Variants in VPS13B observed in about 807,000 individuals in gnomAD.
VPS13B encodes intermembrane lipid transfer protein VPS13B.
A neutral mutation model predicts 426.4 loss-of-function variants in VPS13B; 285 were observed. That is an observed-to-expected ratio of 0.67 (90% CI 0.61 to 0.74). The LOEUF is 0.74. Ranked by LOEUF, VPS13B falls within the 30% of genes least tolerant of loss-of-function variation. The pLI is 0.00. For missense variants in VPS13B, 4,537 were observed against 4,782.6 expected (o/e 0.95, Z 1.51); for synonymous variants, 1,676 against 1,676.4 (o/e 1.00, Z 0.01).
intron 25 of VPS13B, among the ~76,000 whole-genome samples, chr8:99,484,957 G>C (rs940537106): frequency 6.6e-6 from 1 of 152,054 alleles, no homozygotes; most frequent in South Asian, 2.1e-4. Flanking sequence ...ATTAGGCCTT[G>C]AGTACACGCA....
chr8:99,208,224 C>T (rs2132784413), intron 17 of VPS13B, among the ~76,000 whole-genome samples: 1 of 152,232 alleles, frequency 6.6e-6, no homozygotes, highest in South Asian at 2.1e-4. Context: ...TATCACGCAG[C>T]ACCAAGCCAT....
At position 99,195,418 on chromosome 8, in the gene VPS13B, A is replaced by G. The variant is rs78581085; in HGVS notation, c.2515+2361A>G. On this transcript the variant is annotated intron_variant, in intron 17 of 61. Transcript: ENST00000357162. ...TCTGTTCAGGTCCTGTGCCCATTTT[A>G]AAATTGAGTTATTTGTTTTCTTATT... Among the ~76,000 whole-genome samples, 1,332 of 152,268 alleles carry G rather than the reference A, an allele frequency of 8.7e-3. 10 individuals are homozygous for G. Among genetic ancestry groups the G allele is most frequent in the Non-Finnish European group, 0.013 (910 of 68,018 alleles).
chr8:99,309,952 T>C (rs992146330), intron 19 of VPS13B, among the ~76,000 whole-genome samples: 2 of 152,174 alleles, frequency 1.3e-5, no homozygotes, highest in African/African-American at 4.8e-5. Flanking sequence ...AAATTGTGAG[T>C]GGGAGTTCAC....
intron 16 of VPS13B, among the ~76,000 whole-genome samples, chr8:99,179,916 TA>T (rs1229601341): frequency 6.6e-6 from 1 of 152,194 alleles, no homozygotes; most frequent in Non-Finnish European, 1.5e-5. Context: ...GCTCACATTA[TA>T]CATGCAAAAC....
chr8:99,307,687 G>T (rs1434179657), intron 19 of VPS13B, among the ~76,000 whole-genome samples: 1 of 151,824 alleles, frequency 6.6e-6, no homozygotes. Flanking sequence ...ACCGACCATC[G>T]ATTTTGTTTA....
At chr8:99,872,492 G>T (rs1460269284) in intron 61 of VPS13B, among the ~76,000 whole-genome samples, 1 of 152,170 alleles carries the variant, frequency 6.6e-6, no homozygotes, top group East Asian at 1.9e-4. Context: ...AGGCATACTG[G>T]GTGTCAAGAG....
At chr8:99,479,422 C>A (rs999642757) in intron 24 of VPS13B, among the ~76,000 whole-genome samples, 3 of 152,190 alleles carry the variant, frequency 2.0e-5, no homozygotes, top group African/African-American at 7.2e-5. Flanking sequence ...AAAGCCACCT[C>A]ACATGGTATT....
intron 17 of VPS13B, among the ~76,000 whole-genome samples, chr8:99,245,052 C>T (rs1817141155): frequency 6.6e-6 from 1 of 152,150 alleles, no homozygotes; most frequent in African/African-American, 2.4e-5. Flanking sequence ...CTCTCTTGTG[C>T]TTTCTCTCTT....
At chr8:99,771,087 T>C (rs1382336675) in intron 40 of VPS13B, among the ~76,000 whole-genome samples, 1 of 152,224 alleles carries the variant, frequency 6.6e-6, no homozygotes, top group Admixed American at 6.5e-5. Context: ...ATTCCAGAAA[T>C]ACTTATTTTG....
At chr8:99,595,311 G>A (rs1826951847) in intron 33 of VPS13B, among the ~76,000 whole-genome samples, 1 of 151,888 alleles carries the variant, frequency 6.6e-6, no homozygotes, top group Non-Finnish European at 1.5e-5. Context: ...GAGAGTTCAG[G>A]TACTAACTCT....
chr8:99,301,206 C>A (rs1226886839), intron 19 of VPS13B, among the ~76,000 whole-genome samples: 1 of 151,606 alleles, frequency 6.6e-6, no homozygotes, highest in Non-Finnish European at 1.5e-5. Context: ...CAGAGCAAGA[C>A]CTTGTTTCAA....
At chr8:99,190,348 T>C (rs1164908388) in intron 16 of VPS13B, among the ~76,000 whole-genome samples, 1 of 152,072 alleles carries the variant, frequency 6.6e-6, no homozygotes, top group African/African-American at 2.4e-5. Flanking sequence ...GGGTCTTTTT[T>C]TTTTTAATAT....
intron 17 of VPS13B, among the ~76,000 whole-genome samples, chr8:99,237,868 GTTA>G (rs1301677590): frequency 1.6e-5 from 1 of 62,712 alleles, no homozygotes; most frequent in Non-Finnish European, 3.4e-5. Context: ...GCAGGTTGGG[GTTA>G]TTTTTTTTTT....
chr8:99,583,624 A>G (rs1315302935), intron 33 of VPS13B, among the ~76,000 whole-genome samples: 1 of 152,186 alleles, frequency 6.6e-6, no homozygotes, highest in African/African-American at 2.4e-5. Context: ...AAAATTCTCC[A>G]AGACATTCTT....
At chr8:99,674,708 G>A (rs977939383) in intron 35 of VPS13B, among the ~76,000 whole-genome samples, 3 of 151,768 alleles carry the variant, frequency 2.0e-5, no homozygotes, top group Non-Finnish European at 4.4e-5. Context: ...GGTATATTTT[G>A]ATTTCTTGCT....
intron 30 of VPS13B, among the ~76,000 whole-genome samples, chr8:99,542,693 T>C (rs1823690004): frequency 6.6e-6 from 1 of 152,140 alleles, no homozygotes; most frequent in Admixed American, 6.6e-5. Context: ...TGAACCATTT[T>C]GGGAGAATTA....
intron 3 of VPS13B, among the ~76,000 whole-genome samples, chr8:99,082,039 T>C (rs973456750): frequency 1.6e-4 from 24 of 152,296 alleles, no homozygotes; most frequent in African/African-American, 5.3e-4. Flanking sequence ...ATCGCCACAC[T>C]GACTTCTACA....
At chr8:99,844,327 C>A (rs1174093072) in intron 54 of VPS13B, among the ~76,000 whole-genome samples, 3 of 151,702 alleles carry the variant, frequency 2.0e-5, no homozygotes, top group African/African-American at 7.3e-5. Context: ...TTCACTGTAA[C>A]CTCACATGAT....
intron 51 of VPS13B, among the ~76,000 whole-genome samples, chr8:99,825,071 A>G (rs1054159762): frequency 2.6e-5 from 4 of 152,232 alleles, no homozygotes; most frequent in Admixed American, 2.6e-4. Context: ...AGAATGATTT[A>G]TATTCCTTTG....
Sources: gnomAD v4.1 joint callset for allele counts (sites outside exome capture counted in the v4.1 genomes callset) on GRCh38, gnomAD v4.1.1 for gene constraint, MANE v1.5 for transcripts, NCBI Gene and HGNC (gene_info 2026-07-23, HGNC 2026-07-21) for gene names.